Variants in PRKCZ observed in about 807,000 individuals in gnomAD.
The protein encoded by PRKCZ is protein kinase C zeta, also known as protein kinase C zeta type.
PRKCZ carries 33 observed loss-of-function variants against 79.5 expected under a neutral mutation model. The ratio of observed to expected loss-of-function variants is 0.41; its 90% confidence interval spans 0.31 to 0.55. The LOEUF (loss-of-function observed/expected upper bound fraction) is 0.55. Among genes scored for constraint, PRKCZ ranks in the 20% least tolerant of loss-of-function variants. PRKCZ has a pLI of 0.19. For missense variants in PRKCZ, 578 were observed against 813.5 expected, an observed-to-expected ratio of 0.71 and a Z score of 3.52; for synonymous variants, 342 against 320.9, an observed-to-expected ratio of 1.07 and a Z score of -0.70.
At chr1:2,144,742 T>TC (rs564906162) in intron 6 of PRKCZ, 109 of 713,050 alleles carry the variant, frequency 1.5e-4, no homozygotes, top group Non-Finnish European at 1.9e-4. Context: ...CTCCCTGGCA[T>TC]CCCCCCTGGG....
At position 2,174,717 on chromosome 1, in the gene PRKCZ, A is replaced by G. The variant is rs373552896; in HGVS notation, c.1406-37A>G. 6 of 1,601,526 alleles carry G rather than the reference A, an allele frequency of 3.7e-6. No individual in the cohort carries two copies. In the African/African-American group the frequency reaches 6.7e-5, roughly 18 times the overall value. On this transcript the variant is annotated intron_variant, in intron 14 of 17. Transcript: ENST00000378567. The surrounding 1 kb of genome is among the most constrained non-coding windows in gnomAD (Gnocchi z 6.2). ...GGGCGGCACTGGGCAAATGGCACAC[A>G]ACACAGGCAAGTCCTCACCAGGCTC...
chr1:2,080,712 C>T (rs1460774710), intron 4 of PRKCZ, among the ~76,000 whole-genome samples: 1 of 152,184 alleles, frequency 6.6e-6, no homozygotes, highest in Non-Finnish European at 1.5e-5. Context: ...ATTCCGCTTG[C>T]CTCAGTCTCC....
rs1683726519 is a variant in PRKCZ at position 2,168,265 on chromosome 1, C to G, written c.975-1253C>G. On this transcript the variant is annotated intron_variant, in intron 10 of 17. Coordinates refer to ENST00000378567, the MANE Select transcript of PRKCZ (RefSeq NM_002744.6). This position sits in a 1 kb window ranked among gnomAD's most constrained non-coding sequence, Gnocchi z 4.7. ...ATGCACCAGTGAGCATAGCCTCGTT[C>G]CAATAAAACTTTATTTACAAAACAG... 6.6e-6 allele frequency among the ~76,000 whole-genome samples: 1 copy of G among 152,150 alleles called. No homozygotes were observed. The highest frequency in any genetic ancestry group is 6.5e-5 in the Admixed American group (1 of 15,268).
At chr1:2,117,446 C>G (rs1267676642) in intron 4 of PRKCZ, among the ~76,000 whole-genome samples, 6 of 151,786 alleles carry the variant, frequency 4.0e-5, no homozygotes, top group African/African-American at 1.5e-4. Flanking sequence ...CTCTCCTGGT[C>G]CCCGTAGTTT....
At chr1:2,121,352 A>G (rs115114997) in intron 4 of PRKCZ, among the ~76,000 whole-genome samples, 1,717 of 152,052 alleles carry the variant, frequency 0.011, 18 homozygotes, top group African/African-American at 0.031. Context: ...CTATGGACTG[A>G]GTGTGTGTCT....
At chr1:2,063,704 C>T (rs575684403) in intron 4 of PRKCZ, among the ~76,000 whole-genome samples, 3 of 152,334 alleles carry the variant, frequency 2.0e-5, no homozygotes, top group South Asian at 2.1e-4. Flanking sequence ...CCACTGTCTC[C>T]GCATCCTTTC....
chr1:2,077,542 G>C (rs552420703), intron 4 of PRKCZ, among the ~76,000 whole-genome samples: 1 of 152,202 alleles, frequency 6.6e-6, no homozygotes, highest in Admixed American at 6.5e-5. Context: ...TGTTGCCCTT[G>C]TTAAATGGTT....
intron 6 of PRKCZ, chr1:2,144,553 A>G: frequency 2.1e-6 from 3 of 1,401,948 alleles, no homozygotes; most frequent in Middle Eastern, 1.9e-4. Context: ...CACTCTGCTC[A>G]TTGGGGCATG....
In PRKCZ at chr1:2,127,905, T is replaced by C. The variant is rs1349115984; in HGVS notation, c.335-7357T>C. Among the ~76,000 whole-genome samples the C allele has an allele frequency of 6.6e-6, 1 of 152,092 alleles. No individual in the cohort carries two copies. The highest frequency in any genetic ancestry group is 1.5e-5 in the Non-Finnish European group (1 of 68,006). ...ACGGGCAGCCCTGGGACACCTTAGCTCTGGACACGAATTTGCGGTCATTGC... is the reference window on the plus strand; with the variant it reads ...ACGGGCAGCCCTGGGACACCTTAGCCCTGGACACGAATTTGCGGTCATTGC... On this transcript the variant is annotated intron_variant, in intron 4 of 17. Transcript: ENST00000378567. This position sits in a 1 kb window ranked among gnomAD's most constrained non-coding sequence, Gnocchi z 5.1.
chr1:2,185,004 G>A lies in PRKCZ; in HGVS notation c.1774G>A (p.Val592Met), dbSNP rs1173234530. The A allele has an allele frequency of 6.2e-7, 1 of 1,612,330 alleles. No homozygotes were observed. ...NPLLLSTEES[V>M] ...ATTATTGCTGTCCACCGAGGAGTCG[G>A]TGTGAGGCCGCGTGCGTCTCTGTCG... Residue 592 changes from valine to methionine, a missense_variant, in exon 18 of 18, where the codon GTG becomes ATG. Coordinates refer to ENST00000378567, the MANE Select transcript of PRKCZ (RefSeq NM_002744.6).
chr1:2,103,443 G>A (rs867070270), intron 4 of PRKCZ, among the ~76,000 whole-genome samples: 8 of 151,948 alleles, frequency 5.3e-5, no homozygotes, highest in South Asian at 4.1e-4. Context: ...GTCCAGTGGC[G>A]CGTGTGCCTC....
At chr1:2,132,866 C>G (rs1675277827) in intron 4 of PRKCZ, among the ~76,000 whole-genome samples, 1 of 152,254 alleles carries the variant, frequency 6.6e-6, no homozygotes, top group Non-Finnish European at 1.5e-5. Flanking sequence ...CAGAACCCCA[C>G]AGACAGGGTG....
intron 11 of PRKCZ, among the ~76,000 whole-genome samples, 178 bp downstream of exon 11, chr1:2,169,782 G>T (rs1322812730): frequency 1.5e-5 from 2 of 133,304 alleles, no homozygotes; most frequent in African/African-American, 2.8e-5. Context: ...GTGCACGGAG[G>T]GGGTATGACG....
intron 9 of PRKCZ, among the ~76,000 whole-genome samples, chr1:2,155,136 T>C (rs1274216710): frequency 6.6e-6 from 1 of 150,696 alleles, no homozygotes; most frequent in Non-Finnish European, 1.5e-5. Flanking sequence ...ATGGTGACGA[T>C]GATGGTGATG....
chr1:2,169,358 C>T (rs1170042533), intron 10 of PRKCZ, 160 bp from the exon 11 acceptor site: 4 of 699,976 alleles, frequency 5.7e-6, no homozygotes, highest in Non-Finnish European at 7.8e-6. Context: ...CCCCACCAGC[C>T]CCTCTCTGCT....
intron 5 of PRKCZ, among the ~76,000 whole-genome samples, chr1:2,140,161 C>T (rs1677027369): frequency 6.6e-6 from 1 of 152,206 alleles, no homozygotes; most frequent in African/African-American, 2.4e-5. Context: ...GAGGCCAATG[C>T]AATTCCTTTT....
rs774621553 is a variant in PRKCZ, at chr1:2,168,794, G to A, written c.975-724G>A. ...AAACAATTCAGGTGCCAGAGGAGCC[G>A]CTGACCTAAAAAAACCCGCCACAGG... On this transcript the variant is annotated intron_variant, in intron 10 of 17. Transcript: ENST00000378567. The surrounding 1 kb of genome is among the most constrained non-coding windows in gnomAD (Gnocchi z 4.7). 110 of 196,104 alleles carry A rather than the reference G, an allele frequency of 5.6e-4. No individual in the cohort carries two copies. The highest frequency in any genetic ancestry group is 9.6e-4 in the Non-Finnish European group (89 of 92,776). 12.1% of individuals were successfully genotyped at this position (196,104 alleles called of 1,614,324 possible).
At chr1:2,158,497 A>G (rs1225524210) in intron 10 of PRKCZ, among the ~76,000 whole-genome samples, 4 of 152,138 alleles carry the variant, frequency 2.6e-5, no homozygotes, top group Non-Finnish European at 5.9e-5. Flanking sequence ...GAGTGAGTCA[A>G]TGCCTCCCTT....
In PRKCZ at chr1:2,146,115, G is replaced by A. The variant is rs772101276; in HGVS notation, c.634+7G>A. On this transcript the variant is annotated splice_region_variant and intron_variant, in intron 7 of 17. Transcript: ENST00000378567. ...TCCGAGGAGACAGATGGAAGTAGGC[G>A]CTGCTTTCTTCCGGCCGGGTAGAGC... 27 of 1,611,676 alleles carry A rather than the reference G, an allele frequency of 1.7e-5. No homozygotes were observed. In the South Asian group the frequency reaches 1.9e-4, roughly 11 times the overall value.
Sources: allele counts gnomAD v4.1 joint callset (sites outside exome capture counted in the v4.1 genomes callset), GRCh38; gene constraint gnomAD v4.1.1; non-coding constraint Gnocchi (gnomAD v3.1); transcripts MANE v1.5; gene names NCBI Gene and HGNC (gene_info 2026-07-23, HGNC 2026-07-21).